Variants in QTRT2 observed in about 807,000 individuals in gnomAD.
QTRT2 encodes the protein queuine tRNA-ribosyltransferase accessory subunit 2.
QTRT2 carries 32 observed loss-of-function variants against 44.8 expected under a neutral mutation model. The observed-to-expected ratio is 0.71, with a 90% CI of 0.54 to 0.96. QTRT2 has a LOEUF of 0.96. Among genes scored for constraint, QTRT2 ranks in the 40% least tolerant of loss-of-function variants. QTRT2 has a pLI of 0.00. For missense variants in QTRT2, 461 were observed against 503.1 expected (o/e 0.92, Z 0.80); for synonymous variants, 182 against 187.4 (o/e 0.97, Z 0.24).
intron 5 of QTRT2, 162 bp downstream of exon 5, chr3:114,068,225 T>C: frequency 1.7e-6 from 1 of 595,772 alleles, no homozygotes; most frequent in Non-Finnish European, 3.0e-6. Flanking sequence ...AGACTTAGAG[T>C]AGGGCTGCCT....
At chr3:114,064,603 A>C (rs2076928565) in intron 2 of QTRT2, among the ~76,000 whole-genome samples, 1 of 152,166 alleles carries the variant, frequency 6.6e-6, no homozygotes, top group Non-Finnish European at 1.5e-5. Flanking sequence ...AAAAGTAATG[A>C]CACTTTGCTT....
chr3:114,073,899 T>C (rs767459597), intron 6 of QTRT2, among the ~76,000 whole-genome samples: 2 of 152,340 alleles, frequency 1.3e-5, no homozygotes, highest in Middle Eastern at 3.4e-3. Flanking sequence ...TCTGCATACA[T>C]CTTTTCCCAT....
chr3:114,068,324 C>A, intron 5 of QTRT2: 2 of 353,266 alleles, frequency 5.7e-6, no homozygotes, highest in South Asian at 4.2e-5. Flanking sequence ...CAAATACATG[C>A]CAAAAAAAGA....
intron 9 of QTRT2, among the ~76,000 whole-genome samples, chr3:114,083,176 T>G (rs1161138880): frequency 6.6e-6 from 1 of 152,224 alleles, no homozygotes. Flanking sequence ...CGTAAGATAT[T>G]TATCTCTATA....
At position 114,082,145 on chromosome 3, in the gene QTRT2, G is replaced by A. The variant is rs1032855024; in HGVS notation, c.899-532G>A. 2.7e-5 allele frequency among the ~76,000 whole-genome samples: 4 copies of A among 149,938 alleles called. No homozygotes were observed. The East Asian group carries it at 7.9e-4, about 30-fold the overall frequency. On this transcript the variant is annotated intron_variant, in intron 8 of 9. Transcript: ENST00000281273. Reference sequence around the variant, plus strand: ...CTACTTCAATCTATTTGGAATATAGGTAGTTCAAAGCCAAGTATATTTGCA... The same window carrying A: ...CTACTTCAATCTATTTGGAATATAGATAGTTCAAAGCCAAGTATATTTGCA...
chr3:114,064,694 T>G (rs1157758900), intron 2 of QTRT2, among the ~76,000 whole-genome samples: 4 of 152,236 alleles, frequency 2.6e-5, no homozygotes, highest in African/African-American at 9.6e-5. Flanking sequence ...TAATCCGACC[T>G]CAGAGATCTG....
chr3:114,058,190 T>C (rs1283602782), intron 2 of QTRT2, among the ~76,000 whole-genome samples: 2 of 152,268 alleles, frequency 1.3e-5, no homozygotes, highest in Non-Finnish European at 2.9e-5. Context: ...GTTGCTATTA[T>C]TGTCTTTCTA....
At chr3:114,074,558 C>T (rs1328873273) in intron 6 of QTRT2, among the ~76,000 whole-genome samples, 1 of 152,096 alleles carries the variant, frequency 6.6e-6, no homozygotes, top group Non-Finnish European at 1.5e-5. Context: ...TCGTACTCAC[C>T]CTTAATTTAT....
At chr3:114,072,989 C>T (rs1192253047) in intron 6 of QTRT2, among the ~76,000 whole-genome samples, 1 of 152,162 alleles carries the variant, frequency 6.6e-6, no homozygotes, top group South Asian at 2.1e-4. Flanking sequence ...TCACATCCCA[C>T]TATGGCAAGC....
intron 5 of QTRT2, 78 bp from the exon 6 acceptor site, chr3:114,070,548 T>C (rs1577526264): frequency 8.0e-7 from 1 of 1,252,032 alleles, no homozygotes; most frequent in South Asian, 1.3e-5. Flanking sequence ...AGAAGAATTA[T>C]TGCTTTATCA....
At chr3:114,065,525 AG>A (rs1404765252) in intron 3 of QTRT2, 68 bp downstream of exon 3, 2 of 1,202,944 alleles carry the variant, frequency 1.7e-6, no homozygotes, top group Non-Finnish European at 2.4e-6. Flanking sequence ...GGTGCAAAAA[AG>A]AGAAATATTT....
At chr3:114,070,971 A>T in intron 6 of QTRT2, 133 bp downstream of exon 6, 1 of 673,780 alleles carries the variant, frequency 1.5e-6, no homozygotes. Flanking sequence ...CTCTATTTTT[A>T]TTTTCTTTTT....
At chr3:114,085,101 C>T (rs956446760) in intron 9 of QTRT2, among the ~76,000 whole-genome samples, 5 of 152,116 alleles carry the variant, frequency 3.3e-5, no homozygotes, top group South Asian at 4.1e-4. Context: ...CATGAGTGAG[C>T]GACCACATGA....
Position 114,066,022 on chromosome 3 carries a change from C to G in QTRT2, c.201-206C>G, listed in dbSNP as rs370762151. The stretch of plus-strand genomic sequence containing the variant: ...GAGTTGATCTTTGCCAGTTTCATGT[C>G]TCACAGAACCACTAGCAAGTTGAAG... On this transcript the variant is annotated intron_variant, in intron 3 of 9. Coordinates refer to ENST00000281273, the MANE Select transcript of QTRT2 (RefSeq NM_024638.4). Among the ~76,000 whole-genome samples the G allele has an allele frequency of 2.2e-4, 33 of 152,306 alleles. No individual in the cohort carries two copies. The South Asian group carries it at 5.8e-3, about 27-fold the overall frequency.
chr3:114,057,014 T>C lies in QTRT2; in HGVS notation c.-114T>C. 7.0e-7 allele frequency: 1 copy of C among 1,422,122 alleles called. No individual in the cohort carries two copies. Among genetic ancestry groups the C allele is most frequent in the Non-Finnish European group, 9.1e-7 (1 of 1,093,488 alleles). The allele number at this position is 1,422,122 out of a possible 1,614,324, so 88.1% of individuals were successfully genotyped here. ...CCCTTTTCAGGGTGTCCTGGTGGAT[T>C]GGTTTCTGTAAGTTCAGATTCTCAT... On this transcript the variant is annotated 5_prime_UTR_variant, in exon 2 of 10. Coordinates refer to ENST00000281273, the MANE Select transcript of QTRT2 (RefSeq NM_024638.4).
At chr3:114,061,144 G>A (rs954624243) in intron 2 of QTRT2, among the ~76,000 whole-genome samples, 2 of 152,068 alleles carry the variant, frequency 1.3e-5, no homozygotes. Context: ...AAACCGATGG[G>A]TTTCCTTTTA....
At chr3:114,078,356 A>C (rs1040604264) in intron 7 of QTRT2, 1 of 152,128 alleles carries the variant, frequency 6.6e-6, no homozygotes, top group African/African-American at 2.4e-5. Context: ...TAGGAGTTCT[A>C]AAACATTACA....
chr3:114,063,581 T>C (rs1422860425), intron 2 of QTRT2, among the ~76,000 whole-genome samples: 1 of 152,128 alleles, frequency 6.6e-6, no homozygotes, highest in Non-Finnish European at 1.5e-5. Context: ...GTTTCTATCT[T>C]AGTGATAACT....
At chr3:114,074,126 C>T (rs1341196324) in intron 6 of QTRT2, among the ~76,000 whole-genome samples, 2 of 152,208 alleles carry the variant, frequency 1.3e-5, no homozygotes. Flanking sequence ...GTGGTAGCAT[C>T]ATGCCAAGTG....
Sources: gnomAD v4.1 joint callset for allele counts (sites outside exome capture counted in the v4.1 genomes callset) on GRCh38, gnomAD v4.1.1 for gene constraint, MANE v1.5 for transcripts, NCBI Gene and HGNC (gene_info 2026-07-23, HGNC 2026-07-21) for gene names.